The following IQCF5 variants were observed in gnomAD, a reference collection of about 807,000 sequenced individuals.
IQCF5 encodes IQ motif containing F5, also known as IQ domain-containing protein F5.
Under a neutral mutation model 3.4 loss-of-function variants are expected in IQCF5, and 2 were observed. That is an observed-to-expected ratio of 0.58 (90% CI 0.24 to 1.84). The LOEUF (loss-of-function observed/expected upper bound fraction) is 1.84. Among genes scored for constraint, IQCF5 ranks in the 40% most tolerant of loss-of-function variants. The pLI, the probability that IQCF5 is intolerant of heterozygous loss-of-function variation, is 0.17. For synonymous variants in IQCF5, 58 were observed against 64.7 expected, an observed-to-expected ratio of 0.90 and a Z score of 0.49; for missense variants, 167 against 191.6, an observed-to-expected ratio of 0.87 and a Z score of 0.76.
chr3:51,873,723 G>C lies in IQCF5; in HGVS notation c.*10C>G. 1.3e-6 allele frequency: 2 copies of C among 1,536,554 alleles called. No individual in the cohort carries two copies. The highest frequency in any genetic ancestry group is 1.8e-6 in the Non-Finnish European group (2 of 1,134,390). ...GAAGAGAGCTGGGGACACAGATATA[G>C]CAGACCTGGTCATTCTTTTAATGGA... On this transcript the variant is annotated 3_prime_UTR_variant, in exon 2 of 2. Transcript: ENST00000446461.
chr3:51,874,100 AC>A lies in IQCF5; in HGVS notation c.79del (p.Val27CysfsTer120), dbSNP rs1698770385. 1 of 1,552,456 alleles carries A rather than the reference AC, an allele frequency of 6.4e-7. No homozygotes were observed. Among genetic ancestry groups the A allele is most frequent in the Non-Finnish European group, 8.7e-7 (1 of 1,147,412 alleles). On this transcript the variant is annotated frameshift_variant, in exon 2 of 2. Coordinates refer to ENST00000446461, the MANE Select transcript of IQCF5 (RefSeq NM_001145059.2). LOFTEE classifies it low-confidence loss of function (END_TRUNC). Reference sequence around the variant, plus strand: ...GGCTGCATGCAGCAGTGTGCGTCGCACCAGCATGCCCCGCCACCAGGCCTGG... The same window carrying A: ...GGCTGCATGCAGCAGTGTGCGTCGCACAGCATGCCCCGCCACCAGGCCTGG... ...FIQAWWRGML[V>X]RRTLLHAALR...
Position 51,873,768 on chromosome 3 carries a change from C to A in IQCF5, c.412G>T (p.Val138Leu), listed in dbSNP as rs1165067029. 4 of 1,551,628 alleles carry A rather than the reference C, an allele frequency of 2.6e-6. No individual in the cohort carries two copies. In the Admixed American group the frequency reaches 7.8e-5, roughly 30 times the overall value. ...AATGGAAGGGGTATGCATTGTTGCA[C>A]CTTACAAGCCTGTAAGCCCAAAGAG... The part of the protein sequence containing the change: ...EISLGLQACK[V>L]QQCIPLPLKE Residue 138 changes from valine (V) to leucine (L), a missense_variant, in exon 2 of 2, where the codon GTG becomes TTG. Transcript: ENST00000446461.
chr3:51,874,125 G>A lies in IQCF5; in HGVS notation c.55C>T (p.Gln19Ter). 2 of 1,552,372 alleles carry A rather than the reference G, an allele frequency of 1.3e-6. No individual in the cohort carries two copies. The highest frequency in any genetic ancestry group is 1.7e-6 in the Non-Finnish European group (2 of 1,147,240). Residue 19 changes from glutamine to a stop codon, truncating the protein, a stop_gained, in exon 2 of 2, where the codon CAG (glutamine) becomes TAG (stop). Coordinates refer to ENST00000446461, the MANE Select transcript of IQCF5 (RefSeq NM_001145059.2). LOFTEE classifies it low-confidence loss of function (END_TRUNC). ...MTERSAAVFI[Q>*]AWWRGMLVRR... The stretch of plus-strand genomic sequence containing the variant: ...ACCAGCATGCCCCGCCACCAGGCCT[G>A]GATGAAAACAGCTGCAGACCTTTCT...
At position 51,875,567 on chromosome 3, in the gene IQCF5, C is replaced by A. The variant is rs1344313817; in HGVS notation, c.-36G>T. ...TAGATGGTCCCATCACCCTCCGGCCCGCACTCCTCCGATCAGGACTCCAAC... is the reference window on the plus strand; with the variant it reads ...TAGATGGTCCCATCACCCTCCGGCCAGCACTCCTCCGATCAGGACTCCAAC... On this transcript the variant is annotated 5_prime_UTR_variant, in exon 1 of 2. Transcript: ENST00000446461. 4 of 1,551,722 alleles carry A rather than the reference C, an allele frequency of 2.6e-6. No individual in the cohort carries two copies.
Position 51,875,601 on chromosome 3 carries a change from T to A in IQCF5, c.-70A>T, listed in dbSNP as rs946964097. ...CCGATCAGGACTCCAACAGGAAGAG[T>A]GGAGGAAGGGCGGGACCTGTGATGT... On this transcript the variant is annotated 5_prime_UTR_variant, in exon 1 of 2. Transcript: ENST00000446461. The A allele has an allele frequency of 7.8e-6, 12 of 1,536,188 alleles. No homozygotes were observed. The highest frequency in any genetic ancestry group is 9.7e-6 in the Non-Finnish European group (11 of 1,133,330).
At chr3:51,874,622 G>T in intron 1 of IQCF5, 1 of 365,146 alleles carries the variant, frequency 2.7e-6, no homozygotes, top group Non-Finnish European at 5.4e-6. Context: ...CCTCACCAAA[G>T]TGGTAACAGA....
chr3:51,874,507 TC>T, intron 1 of IQCF5: 3 of 502,704 alleles, frequency 6.0e-6, no homozygotes, highest in South Asian at 3.2e-5. Flanking sequence ...CCATGACTCT[TC>T]CCTTCAGAGC....
At position 51,874,072 on chromosome 3, in the gene IQCF5, G is replaced by T; in HGVS notation, c.108C>A (p.Leu36=). The T allele has an allele frequency of 6.4e-7, 1 of 1,553,338 alleles. No homozygotes were observed. Among genetic ancestry groups the T allele is most frequent in the Non-Finnish European group, 8.7e-7 (1 of 1,147,790 alleles). ...LVRRTLLHAA[L]RAWIIQCWWR... ...ACCAGCACTGAATGATCCAAGCCCT[G>T]AGGGCTGCATGCAGCAGTGTGCGTC... Residue 36 remains leucine (L), a synonymous_variant, in exon 2 of 2, where the codon CTC becomes CTA. Transcript: ENST00000446461.
At chr3:51,874,478 G>A (rs574416240) in intron 1 of IQCF5, 1 of 562,918 alleles carries the variant, frequency 1.8e-6, no homozygotes, top group African/African-American at 1.9e-5. Flanking sequence ...AGGTAAAAGA[G>A]CTGCCATCTA....
chr3:51,873,928 G>A lies in IQCF5; in HGVS notation c.252C>T (p.Arg84=). ...LQSWVRMWCV[R]QRYCRLLNAV... ...CGTTGAGCAAACGACAGTAACGCTG[G>A]CGGACACACCACATGCGGACCCAGG... is the stretch of plus-strand genomic sequence containing the variant. The change falls in exon 2 of 2, where the codon CGC becomes CGT. Residue 84 remains arginine, a synonymous_variant. Coordinates refer to ENST00000446461, the MANE Select transcript of IQCF5 (RefSeq NM_001145059.2). The A allele has an allele frequency of 6.4e-7, 1 of 1,551,862 alleles. No homozygotes were observed. Among genetic ancestry groups the A allele is most frequent in the East Asian group, 2.4e-5 (1 of 40,920 alleles).
rs1203834159 is a variant in IQCF5 at position 51,874,267 on chromosome 3, G to A, written c.5-92C>T. The A allele has an allele frequency of 9.9e-6, 13 of 1,309,520 alleles. No individual in the cohort carries two copies. The African/African-American group carries it at 1.6e-4, about 16-fold the overall frequency. 81.1% of individuals were successfully genotyped at this position (1,309,520 alleles called of 1,614,324 possible). Reference sequence around the variant, plus strand: ...GCTCCTTCCTCTAAAGTTCAGCACTGGGCAGGGCAACAGCTGAACCCAGGA... The same window carrying A: ...GCTCCTTCCTCTAAAGTTCAGCACTAGGCAGGGCAACAGCTGAACCCAGGA... On this transcript the variant is annotated intron_variant, in intron 1 of 1. Transcript: ENST00000446461.
At chr3:51,874,661 G>A in intron 1 of IQCF5, 1 of 353,818 alleles carries the variant, frequency 2.8e-6, no homozygotes, top group South Asian at 2.1e-5. Context: ...ATTGTGAACA[G>A]CTTGAACTTC....
chr3:51,874,398 G>T (rs2107218137), intron 1 of IQCF5: 1 of 692,580 alleles, frequency 1.4e-6, no homozygotes, highest in African/African-American at 1.7e-5. Flanking sequence ...GTGTACATCT[G>T]CCCTAGCTAC....
chr3:51,874,403 A>T (rs1378091775), intron 1 of IQCF5: 2 of 690,686 alleles, frequency 2.9e-6, no homozygotes, highest in Non-Finnish European at 2.6e-6. Context: ...CATCTGCCCT[A>T]GCTACCTCAT....
rs928604473 is a variant in IQCF5, at chr3:51,874,074, G to C, written c.106C>G (p.Leu36Val). The C allele has an allele frequency of 1.3e-6, 2 of 1,553,286 alleles. No homozygotes were observed. The highest frequency in any genetic ancestry group is 2.0e-5 in the Admixed American group (1 of 51,090). ...CAGCACTGAATGATCCAAGCCCTGA[G>C]GGCTGCATGCAGCAGTGTGCGTCGC... ...LVRRTLLHAALRAWIIQCWWR... is the reference protein window; with the variant it reads ...LVRRTLLHAAVRAWIIQCWWR... The change falls in exon 2 of 2, where the codon CTC becomes GTC. Residue 36 changes from leucine to valine, a missense_variant. Coordinates refer to ENST00000446461, the MANE Select transcript of IQCF5 (RefSeq NM_001145059.2).
chr3:51,873,745 T>C lies in IQCF5; in HGVS notation c.435A>G (p.Pro145=). Residue 145 remains proline, a synonymous_variant, in exon 2 of 2, where the codon CCA becomes CCG. Coordinates refer to ENST00000446461, the MANE Select transcript of IQCF5 (RefSeq NM_001145059.2). ...ACKVQQCIPL[P]LKE ...ATAGCAGACCTGGTCATTCTTTTAA[T>C]GGAAGGGGTATGCATTGTTGCACCT... is the stretch of plus-strand genomic sequence containing the variant. 1 of 1,549,778 alleles carries C rather than the reference T, an allele frequency of 6.5e-7. No individual in the cohort carries two copies. The highest frequency in any genetic ancestry group is 8.7e-7 in the Non-Finnish European group (1 of 1,145,368).
In IQCF5 at chr3:51,873,802, T is replaced by A. The variant is rs375861159; in HGVS notation, c.378A>T (p.Gln126His). 328 of 1,551,564 alleles carry A rather than the reference T, an allele frequency of 2.1e-4. No individual in the cohort carries two copies. Among genetic ancestry groups the A allele is most frequent in the Non-Finnish European group, 2.7e-4 (310 of 1,146,996 alleles). Residue 126 changes from glutamine to histidine, a missense_variant, in exon 2 of 2, where the codon CAA becomes CAT. Transcript: ENST00000446461. ...CCTGTAAGCCCAAAGAGATTTCAAG[T>A]TGAATATTAAGTTGGTTTTCTTTGA... Reference protein sequence around the residue: ...YELKENQLNIQLEISLGLQAC... With the variant: ...YELKENQLNIHLEISLGLQAC...
chr3:51,873,861 G>T lies in IQCF5; in HGVS notation c.319C>A (p.His107Asn), dbSNP rs758416823. 5.1e-5 allele frequency: 79 copies of T among 1,551,634 alleles called. No homozygotes were observed. Among genetic ancestry groups the T allele is most frequent in the Non-Finnish European group, 6.6e-5 (76 of 1,147,002 alleles). The change falls in exon 2 of 2, where the codon CAT (histidine) becomes AAT (asparagine). Residue 107 changes from histidine to asparagine, a missense_variant. His to Asn is a moderately conservative substitution (Grantham distance 68). Transcript: ENST00000446461. ...TGGCCCTCAATAAAGACACGGGAAT[G>T]GCAGCTGTGCCAGCGCCAATAGACC... is the stretch of plus-strand genomic sequence containing the variant. Reference protein sequence around the residue: ...IQVYWRWHSCHSRVFIEGHYE... With the variant: ...IQVYWRWHSCNSRVFIEGHYE...
At position 51,873,937 on chromosome 3, in the gene IQCF5, C is replaced by T; in HGVS notation, c.243G>A (p.Trp81Ter). The T allele has an allele frequency of 6.4e-7, 1 of 1,551,884 alleles. No individual in the cohort carries two copies. The highest frequency in any genetic ancestry group is 8.7e-7 in the Non-Finnish European group (1 of 1,147,064). Residue 81 changes from tryptophan to a stop codon, truncating the protein, a stop_gained, in exon 2 of 2, where the codon TGG (tryptophan) becomes TGA (stop). Coordinates refer to ENST00000446461, the MANE Select transcript of IQCF5 (RefSeq NM_001145059.2). LOFTEE classifies it low-confidence loss of function (END_TRUNC). Reference sequence around the variant, plus strand: ...AACGACAGTAACGCTGGCGGACACACCACATGCGGACCCAGGACTGCAGCC... The same window carrying T: ...AACGACAGTAACGCTGGCGGACACATCACATGCGGACCCAGGACTGCAGCC... ...AVRLQSWVRM[W>*]CVRQRYCRLL...
Sources: allele counts gnomAD v4.1 joint callset, GRCh38; gene constraint gnomAD v4.1.1; transcripts MANE v1.5; gene names NCBI Gene and HGNC (gene_info 2026-07-23, HGNC 2026-07-21).